The following XIRP2 variants were observed in gnomAD, a reference collection of about 807,000 sequenced individuals.
The protein encoded by XIRP2 is xin actin-binding repeat-containing protein 2.
In XIRP2, 236 loss-of-function variants were observed where a neutral mutation model predicts 277.0. The observed-to-expected ratio is 0.85, with a 90% CI of 0.77 to 0.95. XIRP2 has a LOEUF of 0.95. Among genes scored for constraint, XIRP2 ranks in the 40% least tolerant of loss-of-function variants. The probability of loss-of-function intolerance (pLI) is 0.00; values close to 1 mark genes in which losing one functional copy is unlikely to be tolerated. For missense variants in XIRP2, 4,640 were observed against 4,157.5 expected, an observed-to-expected ratio of 1.12 and a Z score of -3.19; for synonymous variants, 1,490 against 1,416.5, an observed-to-expected ratio of 1.05 and a Z score of -1.17.
At chr2:167,125,704 C>G (rs1691181621) in intron 2 of XIRP2, among the ~76,000 whole-genome samples, 1 of 152,160 alleles carries the variant, frequency 6.6e-6, no homozygotes, top group Admixed American at 6.6e-5. Context: ...GTCAAAGAAG[C>G]TGAACAATAG....
chr2:166,996,348 G>A (rs935044288), intron 2 of XIRP2, among the ~76,000 whole-genome samples: 4 of 152,162 alleles, frequency 2.6e-5, no homozygotes, highest in Non-Finnish European at 5.9e-5. Context: ...ATGTCTAGTT[G>A]GGCTGGGCAC....
intron 2 of XIRP2, among the ~76,000 whole-genome samples, chr2:167,105,817 T>C (rs1690602894): frequency 6.6e-6 from 1 of 151,836 alleles, no homozygotes; most frequent in Non-Finnish European, 1.5e-5. Context: ...GAGCATTTAT[T>C]ATTGTTACCA....
intron 2 of XIRP2, among the ~76,000 whole-genome samples, chr2:167,127,279 A>G (rs750626414): frequency 5.3e-5 from 8 of 152,124 alleles, no homozygotes; most frequent in Non-Finnish European, 8.8e-5. Flanking sequence ...GGGGATGCAC[A>G]TGAAACATAA....
chr2:167,167,219 C>G (rs1173851694), intron 3 of XIRP2, among the ~76,000 whole-genome samples: 2 of 152,036 alleles, frequency 1.3e-5, no homozygotes, highest in African/African-American at 2.4e-5. Context: ...TTCTATATAT[C>G]TCTTTGTATT....
chr2:166,969,555 C>T (rs1199398755), intron 2 of XIRP2, among the ~76,000 whole-genome samples: 1 of 150,704 alleles, frequency 6.6e-6, no homozygotes, highest in Non-Finnish European at 1.5e-5. Context: ...AAAAAAAAAA[C>T]TCCCTTTCAA....
intron 3 of XIRP2, among the ~76,000 whole-genome samples, chr2:167,178,138 T>TG (rs1692905569): frequency 6.6e-6 from 1 of 152,104 alleles, no homozygotes; most frequent in Non-Finnish European, 1.5e-5. Flanking sequence ...TTTGTACATG[T>TG]GTTTTATTCA....
At chr2:167,122,289 G>C (rs1691077811) in intron 2 of XIRP2, among the ~76,000 whole-genome samples, 1 of 152,144 alleles carries the variant, frequency 6.6e-6, no homozygotes, top group African/African-American at 2.4e-5. Context: ...GTAAGAACCA[G>C]GACTAGAATT....
At chr2:166,919,459 C>T (rs1438049001) in intron 2 of XIRP2, among the ~76,000 whole-genome samples, 2 of 152,106 alleles carry the variant, frequency 1.3e-5, no homozygotes, top group African/African-American at 4.8e-5. Flanking sequence ...GCATGCAGTG[C>T]TCTTTTTGCC....
intron 2 of XIRP2, among the ~76,000 whole-genome samples, chr2:167,023,160 G>C (rs1305434751): frequency 1.3e-5 from 2 of 152,224 alleles, no homozygotes; most frequent in African/African-American, 2.4e-5. Context: ...ACTGGTGTGA[G>C]ATGGTATCTC....
chr2:167,174,336 G>C (rs946845858), intron 3 of XIRP2, among the ~76,000 whole-genome samples: 2 of 152,144 alleles, frequency 1.3e-5, no homozygotes, highest in Admixed American at 1.3e-4. Flanking sequence ...TCCTGGTTTA[G>C]TCTTGGGAGG....
At chr2:166,926,421 C>T (rs1156581372) in intron 2 of XIRP2, among the ~76,000 whole-genome samples, 1 of 152,120 alleles carries the variant, frequency 6.6e-6, no homozygotes, top group Admixed American at 6.6e-5. Flanking sequence ...TTCCAGCCGC[C>T]TATCATTTCA....
chr2:166,905,782 C>G (rs1419875201), intron 2 of XIRP2, among the ~76,000 whole-genome samples: 1 of 151,724 alleles, frequency 6.6e-6, no homozygotes, highest in Non-Finnish European at 1.5e-5. Flanking sequence ...AGAAAAAGAA[C>G]AAAGAGAGCT....
intron 2 of XIRP2, among the ~76,000 whole-genome samples, chr2:167,001,273 T>C (rs1258986939): frequency 6.6e-6 from 1 of 152,078 alleles, no homozygotes; most frequent in Non-Finnish European, 1.5e-5. Flanking sequence ...CGTAATAGCC[T>C]ACCTCCCCCA....
chr2:167,020,938 C>T (rs1687965018), intron 2 of XIRP2, among the ~76,000 whole-genome samples: 1 of 152,004 alleles, frequency 6.6e-6, no homozygotes, highest in South Asian at 2.1e-4. Flanking sequence ...AAATAATCTG[C>T]TATTCCAGTG....
chr2:167,134,061 G>A (rs1171912231), intron 2 of XIRP2, among the ~76,000 whole-genome samples: 1 of 151,594 alleles, frequency 6.6e-6, no homozygotes, highest in South Asian at 2.1e-4. Context: ...ATATATTTTG[G>A]GAGTATCCAA....
intron 2 of XIRP2, among the ~76,000 whole-genome samples, chr2:167,077,152 A>G (rs1574229966): frequency 6.6e-6 from 1 of 152,006 alleles, no homozygotes; most frequent in East Asian, 1.9e-4. Context: ...CACGCCTGGC[A>G]ATGTATTTAT....
intron 2 of XIRP2, among the ~76,000 whole-genome samples, chr2:167,111,957 A>G (rs889249920): frequency 1.3e-5 from 2 of 152,152 alleles, no homozygotes; most frequent in Admixed American, 1.3e-4. Flanking sequence ...AGAGGTGTTC[A>G]TAGTAGTAGT....
At chr2:167,254,822 G>A (rs1051020202) in intron 10 of XIRP2, among the ~76,000 whole-genome samples, 1 of 151,662 alleles carries the variant, frequency 6.6e-6, no homozygotes, top group Admixed American at 6.6e-5. Context: ...CAGTTAAAAT[G>A]CATTCATTTT....
chr2:166,987,765 G>T (rs952727499), intron 2 of XIRP2, among the ~76,000 whole-genome samples: 1 of 152,124 alleles, frequency 6.6e-6, no homozygotes, highest in African/African-American at 2.4e-5. Context: ...GGACTCAGGG[G>T]TCTACTTGAA....
Sources: allele counts gnomAD v4.1 joint callset (sites outside exome capture counted in the v4.1 genomes callset), GRCh38; gene constraint gnomAD v4.1.1; transcripts MANE v1.5; gene names NCBI Gene and HGNC (gene_info 2026-07-23, HGNC 2026-07-21).